Variants in BRINP3 observed in about 807,000 individuals in gnomAD.
The protein encoded by BRINP3 is BMP/retinoic acid inducible neural specific 3, also known as BMP/retinoic acid-inducible neural-specific protein 3.
BRINP3 carries 19 observed loss-of-function variants against 71.0 expected under a neutral mutation model. That is an observed-to-expected ratio of 0.27 (90% CI 0.19 to 0.39). BRINP3 has a LOEUF of 0.39. Among genes scored for constraint, BRINP3 ranks in the 10% least tolerant of loss-of-function variants. The pLI is 1.00. For missense variants in BRINP3, 959 were observed against 940.8 expected (o/e 1.02, Z -0.25); for synonymous variants, 380 against 337.7 (o/e 1.13, Z -1.37).
intron 6 of BRINP3, among the ~76,000 whole-genome samples, chr1:190,195,335 A>G (rs1316765095): frequency 1.5e-4 from 23 of 152,038 alleles, no homozygotes; most frequent in Admixed American, 1.5e-3. Context: ...ATAATTAAAA[A>G]GAGTTTGCTA....
chr1:190,441,881 G>C (rs1285508216), intron 2 of BRINP3, among the ~76,000 whole-genome samples: 1 of 152,042 alleles, frequency 6.6e-6, no homozygotes, highest in Non-Finnish European at 1.5e-5. Context: ...GTACACCCTG[G>C]AATGTGGTTT....
intron 2 of BRINP3, among the ~76,000 whole-genome samples, chr1:190,409,268 A>G (rs1672499614): frequency 1.3e-5 from 2 of 152,116 alleles, no homozygotes; most frequent in Non-Finnish European, 2.9e-5. Context: ...ATAAATAATC[A>G]AAAAACTATC....
intron 2 of BRINP3, among the ~76,000 whole-genome samples, chr1:190,448,492 T>TGA (rs1421771036): frequency 1.3e-5 from 2 of 151,116 alleles, no homozygotes; most frequent in African/African-American, 4.8e-5. Flanking sequence ...TGTGTGTGTG[T>TGA]GATCTATTTC....
At chr1:190,281,350 C>T (rs1663022998) in intron 3 of BRINP3, among the ~76,000 whole-genome samples, 1 of 151,974 alleles carries the variant, frequency 6.6e-6, no homozygotes, top group Non-Finnish European at 1.5e-5. Context: ...AAATAGCTTT[C>T]ATGCAGAAAC....
At chr1:190,364,329 T>C (rs769180418) in intron 2 of BRINP3, among the ~76,000 whole-genome samples, 6 of 152,136 alleles carry the variant, frequency 3.9e-5, no homozygotes, top group Admixed American at 1.3e-4. Flanking sequence ...ATTGAAATGA[T>C]ACTTGAATGT....
At chr1:190,473,023 A>G (rs775408474) in intron 1 of BRINP3, among the ~76,000 whole-genome samples, 6 of 151,898 alleles carry the variant, frequency 4.0e-5, no homozygotes, top group Non-Finnish European at 4.4e-5. Flanking sequence ...TATCTGATTA[A>G]AAGAAAATGA....
At chr1:190,357,269 A>G (rs1668794902) in intron 2 of BRINP3, among the ~76,000 whole-genome samples, 1 of 151,992 alleles carries the variant, frequency 6.6e-6, no homozygotes, top group Non-Finnish European at 1.5e-5. Flanking sequence ...TGAACTGCCA[A>G]ACCTAGATTT....
At chr1:190,432,384 C>T (rs1310424335) in intron 2 of BRINP3, among the ~76,000 whole-genome samples, 1 of 152,136 alleles carries the variant, frequency 6.6e-6, no homozygotes, top group East Asian at 1.9e-4. Context: ...CTTATTTGTT[C>T]AAAATTTTCC....
chr1:190,391,274 C>T (rs1228533871), intron 2 of BRINP3, among the ~76,000 whole-genome samples: 2 of 151,656 alleles, frequency 1.3e-5, no homozygotes, highest in East Asian at 3.9e-4. Flanking sequence ...GGAAATCAGA[C>T]AAGGGACAGT....
At position 190,453,203 on chromosome 1, in the gene BRINP3, A is replaced by ATTTTTTTTTTTTTTTTTTTT. The variant is rs1190785225; in HGVS notation, c.236+1432_236+1451dup. Among the ~76,000 whole-genome samples, 209 of 40,896 alleles carry ATTTTTTTTTTTTTTTTTTTT rather than the reference A, an allele frequency of 5.1e-3. 75 individuals carry two copies. Among genetic ancestry groups the ATTTTTTTTTTTTTTTTTTTT allele is most frequent in the South Asian group, 9.4e-3 (6 of 640 alleles). The allele number at this position is 40,896 out of a possible 152,430, so 26.8% of individuals were successfully genotyped here. On this transcript the variant is annotated intron_variant, in intron 2 of 7. Coordinates refer to ENST00000367462, the MANE Select transcript of BRINP3 (RefSeq NM_199051.3). ...ACTTTTCAGAAAGAAAAACTTTAGT[A>ATTTTTTTTTTTTTTTTTTTT]TTTTTTTTTTTTTTTTTTTTTTTTT...
At chr1:190,161,816 A>G (rs889931884) in intron 6 of BRINP3, among the ~76,000 whole-genome samples, 26 of 152,356 alleles carry the variant, frequency 1.7e-4, no homozygotes, top group African/African-American at 5.8e-4. Context: ...AACAATGAAT[A>G]AAGTTCTGAC....
intron 1 of BRINP3, among the ~76,000 whole-genome samples, chr1:190,455,200 A>G (rs1252696273): frequency 6.6e-6 from 1 of 152,182 alleles, no homozygotes; most frequent in Non-Finnish European, 1.5e-5. Context: ...GTGGATCATT[A>G]AAGCCTATTG....
intron 4 of BRINP3, among the ~76,000 whole-genome samples, chr1:190,248,321 T>C (rs573352314): frequency 6.6e-6 from 1 of 151,762 alleles, no homozygotes; most frequent in Non-Finnish European, 1.5e-5. Flanking sequence ...TATTATAATT[T>C]AATCTAATTG....
intron 2 of BRINP3, among the ~76,000 whole-genome samples, chr1:190,295,774 C>G (rs1664202701): frequency 6.6e-6 from 1 of 151,282 alleles, no homozygotes; most frequent in African/African-American, 2.4e-5. Flanking sequence ...TTCCCTTTCC[C>G]TCCCCAAGCA....
At chr1:190,332,315 C>T (rs545050725) in intron 2 of BRINP3, among the ~76,000 whole-genome samples, 1 of 152,178 alleles carries the variant, frequency 6.6e-6, no homozygotes, top group South Asian at 2.1e-4. Context: ...TGAAGCAGCA[C>T]ATCCTCAAGA....
intron 6 of BRINP3, among the ~76,000 whole-genome samples, chr1:190,188,533 C>G (rs937871694): frequency 6.6e-6 from 1 of 152,058 alleles, no homozygotes; most frequent in African/African-American, 2.4e-5. Flanking sequence ...AAGGTAACTT[C>G]TTCTATACCT....
intron 2 of BRINP3, among the ~76,000 whole-genome samples, chr1:190,383,163 T>C (rs1670659812): frequency 6.6e-6 from 1 of 152,166 alleles, no homozygotes; most frequent in Non-Finnish European, 1.5e-5. Flanking sequence ...TTGTATGAGA[T>C]CGTTAACAAA....
At chr1:190,106,862 T>C (rs574447350) in intron 7 of BRINP3, among the ~76,000 whole-genome samples, 2 of 151,990 alleles carry the variant, frequency 1.3e-5, no homozygotes, top group East Asian at 3.9e-4. Context: ...TTTTTCTTGT[T>C]GAACATTGAA....
At chr1:190,138,588 G>A (rs184669969) in intron 7 of BRINP3, among the ~76,000 whole-genome samples, 28 of 152,218 alleles carry the variant, frequency 1.8e-4, no homozygotes, top group South Asian at 8.3e-4. Context: ...TGGTATAGGT[G>A]GCATATGTGG....
Sources: gnomAD v4.1 joint callset for allele counts (sites outside exome capture counted in the v4.1 genomes callset) on GRCh38, gnomAD v4.1.1 for gene constraint, MANE v1.5 for transcripts, NCBI Gene and HGNC (gene_info 2026-07-23, HGNC 2026-07-21) for gene names.